The following HFM1 variants were observed in gnomAD, a reference collection of about 807,000 sequenced individuals.
HFM1 encodes probable ATP-dependent DNA helicase HFM1.
In HFM1, 169 loss-of-function variants were observed where a neutral mutation model predicts 192.1. The observed-to-expected ratio is 0.88, with a 90% confidence interval of 0.78 to 1.00. HFM1 has a LOEUF of 1.00. Ranked by LOEUF, HFM1 falls within the 50% of genes least tolerant of loss-of-function variation. The pLI, the probability that HFM1 is intolerant of heterozygous loss-of-function variation, is 0.00. For synonymous variants in HFM1, 525 were observed against 537.8 expected, an observed-to-expected ratio of 0.98 and a Z score of 0.33; for missense variants, 1,661 against 1,668.0, an observed-to-expected ratio of 1.00 and a Z score of 0.07.
intron 30 of HFM1, 95 bp from the exon 31 acceptor site, chr1:91,277,157 A>C: frequency 1.6e-6 from 1 of 628,406 alleles, no homozygotes; most frequent in Non-Finnish European, 2.6e-6. Context: ...TTCCTTTCAG[A>C]CAATACAAAA....
chr1:91,332,235 T>C (rs547526507), intron 20 of HFM1, among the ~76,000 whole-genome samples: 1 of 152,248 alleles, frequency 6.6e-6, no homozygotes, highest in East Asian at 1.9e-4. Context: ...CAAAACAATA[T>C]GGTACTGGCA....
intron 21 of HFM1, 63 bp downstream of exon 21, chr1:91,324,612 T>C: frequency 1.3e-6 from 1 of 768,698 alleles, no homozygotes; most frequent in Non-Finnish European, 2.2e-6. Flanking sequence ...AAATTAGTTG[T>C]TTCTCAAATA....
intron 20 of HFM1, among the ~76,000 whole-genome samples, chr1:91,335,584 T>C (rs1289870046): frequency 6.6e-6 from 1 of 152,196 alleles, no homozygotes; most frequent in East Asian, 1.9e-4. Flanking sequence ...GCTATTAATA[T>C]AGCTACTGAA....
In HFM1 at chr1:91,375,562, T is replaced by G; in HGVS notation, c.1561A>C (p.Ile521Leu). The change falls in exon 12 of 39, where the codon ATA becomes CTA. Residue 521 changes from isoleucine (I) to leucine (L), a missense_variant. Physicochemically the swap from Ile to Leu is conservative, Grantham distance 5. Coordinates refer to ENST00000370425, the MANE Select transcript of HFM1 (RefSeq NM_001017975.6). The part of the protein sequence containing the change: ...LTLNYKIASV[I>L]QMYSDQKPTL... ...GGTTTCTGATCAGAGTACATTTGTA[T>G]AACACTGGCAATTTTGTAGTTGAGG... 1 of 1,613,498 alleles carries G rather than the reference T, an allele frequency of 6.2e-7. No homozygotes were observed.
At chr1:91,328,760 A>C in intron 20 of HFM1, 1 of 1,610,818 alleles carries the variant, frequency 6.2e-7, no homozygotes. Context: ...GGAAAAATTC[A>C]CTAAGTGGCT....
intron 20 of HFM1, among the ~76,000 whole-genome samples, chr1:91,326,471 A>G (rs890656837): frequency 6.6e-6 from 1 of 152,224 alleles, no homozygotes; most frequent in South Asian, 2.1e-4. Context: ...TTAAAGTGCT[A>G]AAGAAAAAAA....
intron 30 of HFM1, among the ~76,000 whole-genome samples, chr1:91,310,005 TAG>T (rs1161417878): frequency 6.6e-6 from 1 of 151,764 alleles, no homozygotes; most frequent in African/African-American, 2.4e-5. Context: ...GAGATAAGCC[TAG>T]AACAGCATAT....
chr1:91,338,781 A>G (rs1038252993), intron 20 of HFM1, among the ~76,000 whole-genome samples: 6 of 152,042 alleles, frequency 3.9e-5, no homozygotes, highest in African/African-American at 1.4e-4. Context: ...CACTGCAAAC[A>G]TGGACCCTGC....
chr1:91,295,188 T>C (rs1422117189), intron 30 of HFM1, among the ~76,000 whole-genome samples: 1 of 152,210 alleles, frequency 6.6e-6, no homozygotes, highest in East Asian at 1.9e-4. Context: ...TCTGTTTAAT[T>C]GAGTACCCAT....
intron 31 of HFM1, 49 bp downstream of exon 31, chr1:91,276,933 G>A: frequency 9.8e-6 from 11 of 1,126,100 alleles, no homozygotes; most frequent in Non-Finnish European, 1.3e-5. Flanking sequence ...ATCCACCAAA[G>A]ACCTTTCAAT....
chr1:91,381,280 A>G (rs1315210708), intron 6 of HFM1, among the ~76,000 whole-genome samples: 3 of 152,162 alleles, frequency 2.0e-5, no homozygotes, highest in South Asian at 2.1e-4. Flanking sequence ...GTAAATCAGA[A>G]CTACACTTCT....
Position 91,388,355 on chromosome 1 carries a change from G to A in HFM1, c.495-2521C>T, listed in dbSNP as rs943321095. The stretch of plus-strand genomic sequence containing the variant: ...GAGCCTTCAACCTGTGGGGTCTGAC[G>A]CTAATTCCAGGAGTTAAGTTTCAAA... On this transcript the variant is annotated intron_variant, in intron 4 of 38. Transcript: ENST00000370425. Among the ~76,000 whole-genome samples the A allele has an allele frequency of 4.6e-5, 7 of 152,284 alleles. No individual in the cohort carries two copies. In the South Asian group the frequency reaches 8.3e-4, roughly 18 times the overall value.
intron 20 of HFM1, among the ~76,000 whole-genome samples, chr1:91,342,529 C>T (rs761436461): frequency 6.6e-6 from 1 of 152,138 alleles, no homozygotes; most frequent in Non-Finnish European, 1.5e-5. Context: ...GTTCATATCC[C>T]CTTTGTCCTA....
At chr1:91,328,388 T>C (rs1182865301) in intron 20 of HFM1, 1 of 1,582,486 alleles carries the variant, frequency 6.3e-7, no homozygotes, top group Non-Finnish European at 8.6e-7. Context: ...GCCATGGGTA[T>C]TCAAGGCCTG....
chr1:91,288,384 T>TAAA (rs1481906356), intron 30 of HFM1, among the ~76,000 whole-genome samples: 3 of 143,704 alleles, frequency 2.1e-5, no homozygotes, highest in Non-Finnish European at 3.0e-5. Flanking sequence ...TTTTTTTTTT[T>TAAA]TTTTTTTAGT....
chr1:91,299,712 A>C (rs1648363472), intron 30 of HFM1, among the ~76,000 whole-genome samples: 1 of 152,214 alleles, frequency 6.6e-6, no homozygotes, highest in African/African-American at 2.4e-5. Flanking sequence ...TGAAGGCAGA[A>C]ATAAAGATGT....
At chr1:91,405,790 T>A (rs1331194513), upstream of HFM1, among the ~76,000 whole-genome samples, 2 of 152,254 alleles carry the variant, frequency 1.3e-5, no homozygotes, top group Non-Finnish European at 2.9e-5. Flanking sequence ...GTGAGCCAGT[T>A]ATTTGGATAC....
At chr1:91,265,942 T>A in intron 36 of HFM1, 75 bp downstream of exon 36, 1 of 1,552,828 alleles carries the variant, frequency 6.4e-7, no homozygotes. Flanking sequence ...ATCTAATAAC[T>A]TGATCCCCAT....
chr1:91,341,524 G>A (rs1655336107), intron 20 of HFM1, among the ~76,000 whole-genome samples: 2 of 151,990 alleles, frequency 1.3e-5, no homozygotes, highest in African/African-American at 4.8e-5. Context: ...ACACCTAGAG[G>A]AACTAGAAAA....
Sources: allele counts gnomAD v4.1 joint callset (sites outside exome capture counted in the v4.1 genomes callset), GRCh38; gene constraint gnomAD v4.1.1; transcripts MANE v1.5; gene names NCBI Gene and HGNC (gene_info 2026-07-23, HGNC 2026-07-21).